Variants in NXN observed in about 807,000 individuals in gnomAD.
NXN encodes nucleoredoxin 1.
NXN carries 16 observed loss-of-function variants against 48.6 expected under a neutral mutation model. The ratio of observed to expected loss-of-function variants is 0.33; its 90% CI spans 0.22 to 0.50. The LOEUF is 0.50. NXN is among the 20% of genes least tolerant of loss of function. NXN has a pLI of 0.98. For missense variants in NXN, 492 were observed against 605.5 expected, an observed-to-expected ratio of 0.81 and a Z score of 1.97; for synonymous variants, 281 against 269.6, an observed-to-expected ratio of 1.04 and a Z score of -0.41.
rs773686120 is a variant in NXN at position 826,061 on chromosome 17, T to C, written c.378A>G (p.Lys126=). The change falls in exon 2 of 8, where the codon AAA becomes AAG. Residue 126 remains lysine (K), a synonymous_variant. Transcript: ENST00000336868. ...EKHRKLKLWN[K]YRISNIPSLI... ...GTGATGGAATGTTGGAAATTCGGTA[T>C]TTGTTCCAAAGTTTGAGCTGTATGA... 1.2e-6 allele frequency: 2 copies of C among 1,613,394 alleles called. No individual in the cohort carries two copies. Among genetic ancestry groups the C allele is most frequent in the Non-Finnish European group, 1.7e-6 (2 of 1,179,334 alleles).
chr17:818,533 T>C (rs144099951), intron 5 of NXN, among the ~76,000 whole-genome samples: 3 of 152,136 alleles, frequency 2.0e-5, no homozygotes, highest in African/African-American at 7.2e-5. Flanking sequence ...AGTAAACCTT[T>C]GGGATAAGAT....
intron 1 of NXN, among the ~76,000 whole-genome samples, chr17:912,260 C>T (rs1057031018): frequency 6.6e-6 from 1 of 151,998 alleles, no homozygotes; most frequent in Non-Finnish European, 1.5e-5. Flanking sequence ...TTTTAATCCA[C>T]ATTCGGTTGA....
intron 1 of NXN, among the ~76,000 whole-genome samples, chr17:922,819 CTTT>C (rs1469281947): frequency 8.6e-6 from 1 of 116,268 alleles, no homozygotes; most frequent in East Asian, 2.9e-4. Flanking sequence ...ACCCGGCTAA[CTTT>C]TTGTATTTTT....
At chr17:869,403 G>A (rs504252) in intron 1 of NXN, among the ~76,000 whole-genome samples, 7,492 of 152,148 alleles carry the variant, frequency 0.049, 574 homozygotes, top group African/African-American at 0.17. Context: ...TTCCAGGGGG[G>A]CTGCCTGACA....
At position 870,897 on chromosome 17, in the gene NXN, C is replaced by G. The variant is rs560420338; in HGVS notation, c.361-44819G>C. Among the ~76,000 whole-genome samples, 49 of 152,096 alleles carry G rather than the reference C, an allele frequency of 3.2e-4. 1 individual carries two copies. The South Asian group carries it at 9.3e-3, about 29-fold the overall frequency. On this transcript the variant is annotated intron_variant, in intron 1 of 7. Transcript: ENST00000336868. ...TTTTTGAGACAGAGTCTCACTCTGT[C>G]GCCCAGGCTGGAGTGCAGTGGTGCG...
In NXN at chr17:801,145, G is replaced by C. The variant is rs763980813; in HGVS notation, c.1126-14C>G. The C allele has an allele frequency of 4.6e-6, 7 of 1,509,776 alleles. No individual in the cohort carries two copies. In the East Asian group the frequency reaches 1.3e-4, roughly 28 times the overall value. 93.5% of individuals were successfully genotyped at this position (1,509,776 alleles called of 1,614,324 possible). A position where few individuals can be genotyped will look rare whatever the true frequency, so the allele number is the denominator to read the frequency against. Reference sequence around the variant, plus strand: ...AGTCATGTCATCCTGAAGCCGTCAGGAGGGAGAGAAAACCAAGAAGTTTTA... The same window carrying C: ...AGTCATGTCATCCTGAAGCCGTCAGCAGGGAGAGAAAACCAAGAAGTTTTA... On this transcript the variant is annotated splice_polypyrimidine_tract_variant and intron_variant, in intron 7 of 7. Transcript: ENST00000336868.
At chr17:937,934 G>A (rs2068927549) in intron 1 of NXN, among the ~76,000 whole-genome samples, 2 of 152,222 alleles carry the variant, frequency 1.3e-5, no homozygotes, top group African/African-American at 2.4e-5. Context: ...AAAACGCTGC[G>A]CCCAGCGGAA....
chr17:854,563 G>A (rs531642083), intron 1 of NXN, among the ~76,000 whole-genome samples: 7 of 151,606 alleles, frequency 4.6e-5, no homozygotes, highest in East Asian at 3.9e-4. Flanking sequence ...GCTGAGGCAG[G>A]AGAATGGCAT....
chr17:942,131 T>C (rs1238623414), intron 1 of NXN, among the ~76,000 whole-genome samples: 7 of 100,514 alleles, frequency 7.0e-5, no homozygotes, highest in South Asian at 7.7e-4. Context: ...CAGCCATGAA[T>C]TCACCAAACA....
At chr17:822,050 G>A (rs1361009908) in intron 4 of NXN, among the ~76,000 whole-genome samples, 3 of 152,080 alleles carry the variant, frequency 2.0e-5, no homozygotes, top group Non-Finnish European at 4.4e-5. Flanking sequence ...GAAGGCCAAG[G>A]TGGGCGCCTC....
intron 1 of NXN, among the ~76,000 whole-genome samples, chr17:974,654 G>A (rs187991449): frequency 8.6e-5 from 13 of 151,598 alleles, no homozygotes; most frequent in African/African-American, 2.2e-4. Flanking sequence ...ACGGCAGAGC[G>A]GGGGCGTGAA....
At chr17:951,719 G>C (rs2069112841) in intron 1 of NXN, among the ~76,000 whole-genome samples, 1 of 152,292 alleles carries the variant, frequency 6.6e-6, no homozygotes, top group East Asian at 1.9e-4. Context: ...GCAGGGCTGG[G>C]GGTGGGGGCC....
rs56011704 is a variant in NXN at position 841,432 on chromosome 17, G to T, written c.361-15354C>A. Among the ~76,000 whole-genome samples, 395 of 49,166 alleles carry T rather than the reference G, an allele frequency of 8.0e-3. 24 individuals carry two copies. The highest frequency in any genetic ancestry group is 0.034 in the East Asian group (46 of 1,364). The allele number at this position is 49,166 out of a possible 152,430, so 32.3% of individuals were successfully genotyped here. On this transcript the variant is annotated intron_variant, in intron 1 of 7. Coordinates refer to ENST00000336868, the MANE Select transcript of NXN (RefSeq NM_022463.5). ...CCCCTGACCACGGCGCATCTCACACGGGCGAGCAGGTCCCCCTGACCACGG... is the reference window on the plus strand; with the variant it reads ...CCCCTGACCACGGCGCATCTCACACTGGCGAGCAGGTCCCCCTGACCACGG...
chr17:838,924 G>A (rs1913978340), intron 1 of NXN, among the ~76,000 whole-genome samples: 4 of 152,200 alleles, frequency 2.6e-5, no homozygotes, highest in African/African-American at 7.2e-5. Context: ...GAGGCCGTGT[G>A]GGATAGATCA....
At chr17:872,894 C>T (rs1356527025) in intron 1 of NXN, among the ~76,000 whole-genome samples, 1 of 152,098 alleles carries the variant, frequency 6.6e-6, no homozygotes, top group African/African-American at 2.4e-5. Context: ...GTTGGGATGA[C>T]AGGTGTGAGC....
chr17:930,641 A>G (rs1321638155), intron 1 of NXN, among the ~76,000 whole-genome samples: 1 of 152,190 alleles, frequency 6.6e-6, no homozygotes, highest in Non-Finnish European at 1.5e-5. Flanking sequence ...GGCAGGATAG[A>G]AAGACACCAA....
chr17:943,019 A>T (rs12951590), intron 1 of NXN, among the ~76,000 whole-genome samples: 1,336 of 25,418 alleles, frequency 0.053, 179 homozygotes, highest in African/African-American at 0.061. Flanking sequence ...TACAGTGAAC[A>T]AGATTCCAGG....
At chr17:950,671 C>G (rs1019570047) in intron 1 of NXN, among the ~76,000 whole-genome samples, 1 of 152,120 alleles carries the variant, frequency 6.6e-6, no homozygotes, top group African/African-American at 2.4e-5. Context: ...ATTTTACAAT[C>G]TTGAATTACG....
chr17:816,434 C>T (rs901651552), intron 5 of NXN, among the ~76,000 whole-genome samples: 8 of 152,056 alleles, frequency 5.3e-5, no homozygotes, highest in Non-Finnish European at 1.2e-4. Flanking sequence ...GAAAACGTGT[C>T]GGCCGGGCCT....
Sources: gnomAD v4.1 joint callset for allele counts (sites outside exome capture counted in the v4.1 genomes callset) on GRCh38, gnomAD v4.1.1 for gene constraint, MANE v1.5 for transcripts, NCBI Gene and HGNC (gene_info 2026-07-23, HGNC 2026-07-21) for gene names.